Variants in MYO16 observed in about 807,000 individuals in gnomAD.
MYO16 encodes the protein unconventional myosin-XVI.
A neutral mutation model predicts 205.3 loss-of-function variants in MYO16; 94 were observed. That is an observed-to-expected ratio of 0.46 (90% CI 0.39 to 0.54). The LOEUF (loss-of-function observed/expected upper bound fraction) is 0.54. MYO16 is among the 20% of genes least tolerant of loss of function. The pLI, the probability that MYO16 is intolerant of heterozygous loss-of-function variation, is 0.00. For missense variants in MYO16, 2,315 were observed against 2,387.5 expected, an observed-to-expected ratio of 0.97 and a Z score of 0.63; for synonymous variants, 988 against 954.0, an observed-to-expected ratio of 1.04 and a Z score of -0.66.
intron 7 of MYO16, among the ~76,000 whole-genome samples, 181 bp from the exon 8 acceptor site, chr13:108,820,156 T>C (rs1414714497): frequency 6.6e-6 from 1 of 152,158 alleles, no homozygotes; most frequent in Non-Finnish European, 1.5e-5. Flanking sequence ...AGGGCTGAAA[T>C]AATTTGAGTA....
rs190393435 is a variant in MYO16 at position 108,878,354 on chromosome 13, A to T, written c.1426-4705A>T. Among the ~76,000 whole-genome samples the T allele has an allele frequency of 3.3e-5, 5 of 152,250 alleles. No individual in the cohort carries two copies. In the East Asian group the frequency reaches 9.7e-4, roughly 29 times the overall value. ...AGGAGAGAAGAGAAGGAGCATCTGAATGTTGAGAGGAGTTCAGCTAGGGAT... is the reference window on the plus strand; with the variant it reads ...AGGAGAGAAGAGAAGGAGCATCTGATTGTTGAGAGGAGTTCAGCTAGGGAT... On this transcript the variant is annotated intron_variant, in intron 12 of 34. Transcript: ENST00000457511.
chr13:108,895,810 A>G (rs1369740811), intron 14 of MYO16, among the ~76,000 whole-genome samples: 1 of 152,244 alleles, frequency 6.6e-6, no homozygotes, highest in Non-Finnish European at 1.5e-5. Context: ...TGCCTGGTAC[A>G]TAGTGAGCAG....
At chr13:108,761,483 C>T (rs1309459358) in intron 4 of MYO16, among the ~76,000 whole-genome samples, 2 of 152,002 alleles carry the variant, frequency 1.3e-5, no homozygotes, top group East Asian at 1.9e-4. Context: ...ATTTCTGTTA[C>T]CATCTATGCA....
chr13:109,002,860 C>T (rs1885263009), intron 21 of MYO16, among the ~76,000 whole-genome samples: 1 of 152,180 alleles, frequency 6.6e-6, no homozygotes, highest in South Asian at 2.1e-4. Context: ...AAGGTTCTGT[C>T]CATGACTTTG....
chr13:108,606,930 C>A (rs1480266101), intron 1 of MYO16, among the ~76,000 whole-genome samples: 2 of 152,194 alleles, frequency 1.3e-5, no homozygotes, highest in African/African-American at 4.8e-5. Context: ...ATAAGCATGA[C>A]CTGCATGTGA....
intron 12 of MYO16, among the ~76,000 whole-genome samples, chr13:108,879,606 G>A (rs1879502022): frequency 6.6e-6 from 1 of 152,168 alleles, no homozygotes; most frequent in Non-Finnish European, 1.5e-5. Flanking sequence ...GTGAGAACAT[G>A]AGGTGTTTGG....
intron 23 of MYO16, among the ~76,000 whole-genome samples, chr13:109,039,419 CAT>C (rs1886814886): frequency 6.6e-6 from 1 of 152,164 alleles, no homozygotes; most frequent in Non-Finnish European, 1.5e-5. Context: ...ACCCATGGGA[CAT>C]GTGTCCAGAT....
At chr13:108,519,007 A>C in the MYO16 span, among the ~76,000 whole-genome samples, 1 of 152,232 alleles carries the variant, frequency 6.6e-6, no homozygotes, top group Non-Finnish European at 1.5e-5. Flanking sequence ...ACTTTTTCAA[A>C]AGAATAGAGA....
intron 2 of MYO16, among the ~76,000 whole-genome samples, chr13:108,685,617 A>C (rs1278876635): frequency 6.6e-6 from 1 of 152,210 alleles, no homozygotes; most frequent in Non-Finnish European, 1.5e-5. Context: ...GGGCCTTCAA[A>C]TATCCCGTTC....
chr13:109,202,949 A>AG (rs200951069), intron 34 of MYO16, among the ~76,000 whole-genome samples: 2,072 of 152,302 alleles, frequency 0.014, 51 homozygotes, highest in African/African-American at 0.047. Flanking sequence ...AAGTGGGGAA[A>AG]GACACCCTAT....
At chr13:108,909,925 A>C in intron 15 of MYO16, 78 bp from the exon 16 acceptor site, 1 of 1,411,702 alleles carries the variant, frequency 7.1e-7, no homozygotes. Flanking sequence ...ATCTCTTGTA[A>C]TTAATTAATA....
chr13:109,053,307 A>G (rs776415544), intron 25 of MYO16, among the ~76,000 whole-genome samples: 1 of 150,080 alleles, frequency 6.7e-6, no homozygotes, highest in Non-Finnish European at 1.5e-5. Flanking sequence ...AAAATGTGTA[A>G]TATGAGTGTG....
chr13:108,827,918 A>G (rs192269518), intron 9 of MYO16, among the ~76,000 whole-genome samples: 135 of 152,274 alleles, frequency 8.9e-4, no homozygotes, highest in Non-Finnish European at 1.5e-3. Context: ...ATTCTAGTTC[A>G]TGGAGCCCGT....
chr13:109,064,837 T>A (rs1887695327), intron 27 of MYO16, among the ~76,000 whole-genome samples: 1 of 152,208 alleles, frequency 6.6e-6, no homozygotes, highest in African/African-American at 2.4e-5. Context: ...AGGGATGTAC[T>A]GCAAAACACA....
At chr13:108,790,545 A>G (rs550918880) in intron 5 of MYO16, among the ~76,000 whole-genome samples, 81 of 152,362 alleles carry the variant, frequency 5.3e-4, no homozygotes, top group African/African-American at 1.9e-3. Flanking sequence ...TGGACCCATT[A>G]TCCGTTACAA....
At chr13:108,575,548 C>T in the MYO16 span, among the ~76,000 whole-genome samples, 48 of 152,262 alleles carry the variant, frequency 3.2e-4, 1 homozygote, top group South Asian at 8.3e-4. Context: ...ACCTTTCTCC[C>T]TTGGGGGAGA....
chr13:108,891,157 C>G (rs764455032), intron 14 of MYO16, among the ~76,000 whole-genome samples: 1 of 152,202 alleles, frequency 6.6e-6, no homozygotes, highest in Non-Finnish European at 1.5e-5. Flanking sequence ...GTTAACTTTA[C>G]ATTATCAAAT....
At chr13:109,015,536 G>A (rs968429607) in intron 22 of MYO16, among the ~76,000 whole-genome samples, 13 of 152,116 alleles carry the variant, frequency 8.5e-5, no homozygotes, top group South Asian at 4.1e-4. Context: ...TAGAAGGAAT[G>A]GTACCAGCTC....
At chr13:109,173,920 T>C (rs1420274003) in intron 33 of MYO16, among the ~76,000 whole-genome samples, 1 of 114,464 alleles carries the variant, frequency 8.7e-6, no homozygotes, top group Admixed American at 9.0e-5. Context: ...AAAAAGAGTA[T>C]CTCTGAAAGG....
Sources: allele counts gnomAD v4.1 joint callset (sites outside exome capture counted in the v4.1 genomes callset), GRCh38; gene constraint gnomAD v4.1.1; transcripts MANE v1.5; gene names NCBI Gene and HGNC (gene_info 2026-07-23, HGNC 2026-07-21).